Variants in SELENOI observed in about 807,000 individuals in gnomAD.
SELENOI encodes the protein ethanolaminephosphotransferase 1.
SELENOI carries 24 observed loss-of-function variants against 50.7 expected under a neutral mutation model. The observed-to-expected ratio is 0.47, with a 90% CI of 0.34 to 0.67. SELENOI has a LOEUF of 0.67. Among genes scored for constraint, SELENOI ranks in the 30% least tolerant of loss-of-function variants. The pLI is 0.01. For missense variants in SELENOI, 352 were observed against 461.4 expected (o/e 0.76, Z 2.17); for synonymous variants, 155 against 170.2 (o/e 0.91, Z 0.70).
chr2:26,385,544 A>T (rs552060099), intron 8 of SELENOI, among the ~76,000 whole-genome samples: 11 of 152,358 alleles, frequency 7.2e-5, no homozygotes, highest in Non-Finnish European at 1.0e-4. Flanking sequence ...TTTAAAAATC[A>T]GCTGATTTTA....
intron 7 of SELENOI, among the ~76,000 whole-genome samples, chr2:26,384,389 C>T (rs891773761): frequency 3.9e-5 from 6 of 152,098 alleles, no homozygotes; most frequent in South Asian, 2.1e-4. Flanking sequence ...TGCCCGAGGT[C>T]GTGTGATCAA....
rs1677541485 is a variant in SELENOI at position 26,375,203 on chromosome 2, C to T, written c.682+55C>T. 3.4e-6 allele frequency: 4 copies of T among 1,187,620 alleles called. No individual in the cohort carries two copies. In the South Asian group the frequency reaches 4.0e-5, roughly 12 times the overall value. 73.6% of individuals were successfully genotyped at this position (1,187,620 alleles called of 1,614,324 possible). ...AACCATCACTTTGTTATCAAAAGAG[C>T]CGGTATTTGACTATAACAAGCAACA... On this transcript the variant is annotated intron_variant, in intron 6 of 9. Coordinates refer to ENST00000260585, the MANE Select transcript of SELENOI (RefSeq NM_033505.4).
At chr2:26,363,691 A>G (rs974484687) in intron 1 of SELENOI, among the ~76,000 whole-genome samples, 1 of 152,006 alleles carries the variant, frequency 6.6e-6, no homozygotes, top group African/African-American at 2.4e-5. Flanking sequence ...TGCCTCATTT[A>G]TGTTGCTATT....
chr2:26,350,576 C>G (rs1336409287), intron 1 of SELENOI, among the ~76,000 whole-genome samples: 2 of 152,196 alleles, frequency 1.3e-5, no homozygotes, highest in Non-Finnish European at 2.9e-5. Context: ...TACTCAGTGT[C>G]AGGCATAGCA....
chr2:26,388,910 C>A, intron 9 of SELENOI, 95 bp from the exon 10 acceptor site: 2 of 935,038 alleles, frequency 2.1e-6, no homozygotes, highest in Non-Finnish European at 3.3e-6. Context: ...TTTGCCGTGT[C>A]AATAAATTGT....
At chr2:26,376,700 G>A (rs939712819) in intron 6 of SELENOI, among the ~76,000 whole-genome samples, 9 of 152,032 alleles carry the variant, frequency 5.9e-5, no homozygotes, top group African/African-American at 2.2e-4. Flanking sequence ...CCTACCATGT[G>A]GTGTTCTTTC....
At chr2:26,349,932 CAAAAAAAAAAAA>C (rs70950184) in intron 1 of SELENOI, among the ~76,000 whole-genome samples, 11 of 55,286 alleles carry the variant, frequency 2.0e-4, no homozygotes, top group Non-Finnish European at 3.1e-4. Flanking sequence ...CTCATCTCCA[CAAAAAAAAAAAA>C]AAAAAAAAAA....
intron 1 of SELENOI, among the ~76,000 whole-genome samples, chr2:26,347,068 G>T (rs1676799531): frequency 6.6e-6 from 1 of 152,128 alleles, no homozygotes; most frequent in African/African-American, 2.4e-5. Context: ...CTCCAAATCT[G>T]GTTCCCATCC....
In SELENOI at chr2:26,383,355, T is replaced by C; in HGVS notation, c.731+8T>C. 1.3e-6 allele frequency: 2 copies of C among 1,517,926 alleles called. No individual in the cohort carries two copies. Among genetic ancestry groups the C allele is most frequent in the Non-Finnish European group, 1.8e-6 (2 of 1,118,710 alleles). 94.0% of individuals were successfully genotyped at this position (1,517,926 alleles called of 1,614,324 possible). A position where few individuals can be genotyped will look rare whatever the true frequency, so the allele number is the denominator to read the frequency against. ...TTTATTAAACTTTTTCAGGTAAGTA[T>C]TTTATTTTTTAAATGGGCAAGAAAT... On this transcript the variant is annotated splice_region_variant and intron_variant, in intron 7 of 9. Transcript: ENST00000260585.
intron 9 of SELENOI, among the ~76,000 whole-genome samples, chr2:26,386,776 T>G (rs1370420957): frequency 3.3e-5 from 5 of 152,226 alleles, no homozygotes; most frequent in Non-Finnish European, 5.9e-5. Context: ...GGATAATTAT[T>G]GTGAGGAATT....
intron 2 of SELENOI, 115 bp downstream of exon 2, chr2:26,364,485 A>T (rs1258101678): frequency 1.5e-6 from 1 of 685,332 alleles, no homozygotes; most frequent in African/African-American, 1.8e-5. Flanking sequence ...TAGAGAAACC[A>T]CCCTTCCCCA....
intron 1 of SELENOI, among the ~76,000 whole-genome samples, chr2:26,347,799 T>C (rs1484985660): frequency 6.6e-6 from 1 of 152,236 alleles, no homozygotes; most frequent in Admixed American, 6.5e-5. Flanking sequence ...CTTTTTCTTA[T>C]AAAGAATCTT....
At chr2:26,371,084 G>C (rs540683285) in intron 4 of SELENOI, among the ~76,000 whole-genome samples, 3,338 of 145,720 alleles carry the variant, frequency 0.023, 104 homozygotes, top group African/African-American at 0.074. Flanking sequence ...TCCCGGACGG[G>C]GCGGCTGGCC....
At chr2:26,383,435 G>T in intron 7 of SELENOI, 88 bp downstream of exon 7, 6 of 939,864 alleles carry the variant, frequency 6.4e-6, no homozygotes, top group Non-Finnish European at 9.5e-6. Flanking sequence ...TCCTTTTGGA[G>T]TCAGGACATT....
rs1344143220 is a variant in SELENOI at position 26,388,938 on chromosome 2, T to C, written c.1096-67T>C. 9 of 1,248,154 alleles carry C rather than the reference T, an allele frequency of 7.2e-6. No individual in the cohort carries two copies. The East Asian group carries it at 2.3e-4, about 32-fold the overall frequency. 77.3% of individuals were successfully genotyped at this position (1,248,154 alleles called of 1,614,324 possible). On this transcript the variant is annotated intron_variant, in intron 9 of 9. Transcript: ENST00000260585. ...TAAATTGTTATCTCTAGGGGGTAAA[T>C]TCTGTGTGCTTTTAAAAAACAATAA...
chr2:26,350,603 A>G (rs1389658838), intron 1 of SELENOI, among the ~76,000 whole-genome samples: 1 of 152,208 alleles, frequency 6.6e-6, no homozygotes, highest in East Asian at 1.9e-4. Flanking sequence ...CTGCAAAATT[A>G]AGCTAAGTTG....
chr2:26,376,385 G>T (rs1028572797), intron 6 of SELENOI, among the ~76,000 whole-genome samples: 1 of 152,022 alleles, frequency 6.6e-6, no homozygotes, highest in Non-Finnish European at 1.5e-5. Context: ...CCTTTTGATT[G>T]TCCCATGGCA....
intron 4 of SELENOI, among the ~76,000 whole-genome samples, chr2:26,371,222 G>C (rs1346804037): frequency 3.3e-5 from 5 of 151,400 alleles, no homozygotes; most frequent in Non-Finnish European, 7.4e-5. Context: ...TTCCCAGACG[G>C]GGTGGCTGCC....
At chr2:26,358,197 G>A (rs2147946742) in intron 1 of SELENOI, among the ~76,000 whole-genome samples, 2 of 152,252 alleles carry the variant, frequency 1.3e-5, no homozygotes, top group South Asian at 4.1e-4. Flanking sequence ...GAGGTCAGGA[G>A]TTCAAGACAA....
Sources: allele counts gnomAD v4.1 joint callset (sites outside exome capture counted in the v4.1 genomes callset), GRCh38; gene constraint gnomAD v4.1.1; transcripts MANE v1.5; gene names NCBI Gene and HGNC (gene_info 2026-07-23, HGNC 2026-07-21).